The following TMEM135 variants were observed in gnomAD, a reference collection of about 807,000 sequenced individuals.
The protein encoded by TMEM135 is transmembrane protein 135.
A neutral mutation model predicts 60.3 loss-of-function variants in TMEM135; 30 were observed. That is an observed-to-expected ratio of 0.50 (90% confidence interval 0.37 to 0.68). The LOEUF (loss-of-function observed/expected upper bound fraction) is 0.68. Among genes scored for constraint, TMEM135 ranks in the 30% least tolerant of loss-of-function variants. The pLI is 0.00. For synonymous variants in TMEM135, 190 were observed against 186.7 expected (o/e 1.02, Z -0.14); for missense variants, 468 against 548.8 (o/e 0.85, Z 1.47).
At chr11:87,044,394 G>T (rs1211697080) in intron 1 of TMEM135, among the ~76,000 whole-genome samples, 2 of 151,984 alleles carry the variant, frequency 1.3e-5, no homozygotes, top group Admixed American at 6.5e-5. Context: ...ATAGGCATTT[G>T]TTTTTGTTTT....
intron 4 of TMEM135, among the ~76,000 whole-genome samples, chr11:87,111,906 A>G (rs1222700367): frequency 6.6e-6 from 1 of 152,108 alleles, no homozygotes; most frequent in African/African-American, 2.4e-5. Flanking sequence ...CAGAGTAATA[A>G]TATATAAATT....
At chr11:87,203,030 C>T (rs1165721142) in intron 5 of TMEM135, among the ~76,000 whole-genome samples, 1 of 72,266 alleles carries the variant, frequency 1.4e-5, no homozygotes, top group Admixed American at 1.8e-4. Flanking sequence ...GAGACTCCGT[C>T]TCAAAAAAAA....
In TMEM135 at chr11:87,327,159, G is replaced by A. The variant is rs947123923; in HGVS notation, c.*5826G>A. The A allele has an allele frequency of 2.9e-5, 13 of 453,952 alleles. No homozygotes were observed. Among genetic ancestry groups the A allele is most frequent in the African/African-American group, 2.4e-4 (12 of 50,068 alleles). The allele number at this position is 453,952 out of a possible 1,614,324, so 28.1% of individuals were successfully genotyped here. On this transcript the variant is annotated 3_prime_UTR_variant, in exon 15 of 15. Transcript: ENST00000305494. ...CCAGCCTTTACTCGGAGGTGTTCAT[G>A]TGACCCTGTTTTGGCCAATAAAATG...
chr11:87,260,742 T>A (rs1303911122), intron 6 of TMEM135, among the ~76,000 whole-genome samples: 6 of 149,846 alleles, frequency 4.0e-5, no homozygotes, highest in African/African-American at 1.5e-4. Context: ...TTTTTTTTTT[T>A]AATCAAATGA....
chr11:87,126,961 C>T (rs141265889), intron 4 of TMEM135, among the ~76,000 whole-genome samples: 6 of 152,240 alleles, frequency 3.9e-5, no homozygotes, highest in Non-Finnish European at 5.9e-5. Context: ...GAATCTGTTA[C>T]ATCCTTTTCA....
At chr11:87,091,673 T>C (rs1278663060) in intron 4 of TMEM135, among the ~76,000 whole-genome samples, 1 of 152,122 alleles carries the variant, frequency 6.6e-6, no homozygotes, top group Non-Finnish European at 1.5e-5. Context: ...GCTGTACTTG[T>C]ATGTGTATAT....
chr11:87,250,766 A>G (rs1006688873), intron 6 of TMEM135, among the ~76,000 whole-genome samples: 2 of 152,234 alleles, frequency 1.3e-5, no homozygotes, highest in African/African-American at 2.4e-5. Context: ...AATTATATAC[A>G]GAATTTAGAG....
intron 6 of TMEM135, among the ~76,000 whole-genome samples, chr11:87,249,504 G>T (rs915496977): frequency 2.0e-5 from 3 of 151,900 alleles, no homozygotes; most frequent in African/African-American, 7.2e-5. Flanking sequence ...CTAATTTTGG[G>T]CTTGCTTTGC....
intron 4 of TMEM135, among the ~76,000 whole-genome samples, chr11:87,139,033 T>G (rs748396234): frequency 6.6e-6 from 1 of 152,328 alleles, no homozygotes; most frequent in East Asian, 1.9e-4. Flanking sequence ...TATTACTGGC[T>G]TTAGTATTTC....
intron 6 of TMEM135, among the ~76,000 whole-genome samples, chr11:87,272,166 C>G (rs1215405806): frequency 6.6e-6 from 1 of 150,618 alleles, no homozygotes; most frequent in Non-Finnish European, 1.5e-5. Context: ...CAATTCCCCT[C>G]CCTCAGCCTC....
chr11:87,092,324 T>G (rs1857225619), intron 4 of TMEM135, among the ~76,000 whole-genome samples: 2 of 152,130 alleles, frequency 1.3e-5, no homozygotes, highest in African/African-American at 4.8e-5. Context: ...AGCAGCAAAC[T>G]ATTCTGGGTG....
intron 4 of TMEM135, among the ~76,000 whole-genome samples, chr11:87,097,485 G>T (rs1185731688): frequency 6.6e-6 from 1 of 152,162 alleles, no homozygotes; most frequent in Non-Finnish European, 1.5e-5. Context: ...AAATCAGAAT[G>T]TAAAATGATA....
chr11:87,118,614 A>G (rs1591032482), intron 4 of TMEM135, among the ~76,000 whole-genome samples: 1 of 151,936 alleles, frequency 6.6e-6, no homozygotes, highest in African/African-American at 2.4e-5. Context: ...ATGCCCAGCT[A>G]ATTTTTTGTA....
Position 87,325,091 on chromosome 11 carries a change from G to A in TMEM135, c.*3758G>A, listed in dbSNP as rs1942892934. ...CAGCTCTATAATTTCTTCTTCTTGT[G>A]GAATTAACAAAGAAAGGAGTGTCAA... On this transcript the variant is annotated 3_prime_UTR_variant, in exon 15 of 15. Transcript: ENST00000305494. The A allele has an allele frequency of 2.2e-6, 1 of 453,942 alleles. No individual in the cohort carries two copies. Among genetic ancestry groups the A allele is most frequent in the South Asian group, 1.6e-5 (1 of 64,466 alleles). The allele number at this position is 453,942 out of a possible 1,614,324, so 28.1% of individuals were successfully genotyped here.
intron 1 of TMEM135, among the ~76,000 whole-genome samples, chr11:87,038,717 T>C (rs1949726267): frequency 6.6e-6 from 1 of 151,538 alleles, no homozygotes; most frequent in Non-Finnish European, 1.5e-5. Context: ...TTGGGGGTTT[T>C]GCAAGTGTTT....
In TMEM135 at chr11:87,209,796, T is replaced by A. The variant is rs557116552; in HGVS notation, c.463-26842T>A. ...ATAAAGCAAGTCTTTTTGAGCAAAT[T>A]CAAAAAAATTGAAACACCAACCACA... On this transcript the variant is annotated intron_variant, in intron 5 of 14. Coordinates refer to ENST00000305494, the MANE Select transcript of TMEM135 (RefSeq NM_022918.4). 6.6e-5 allele frequency among the ~76,000 whole-genome samples: 10 copies of A among 152,100 alleles called. 1 individual carries two copies. The South Asian group carries it at 2.1e-3, about 32-fold the overall frequency.
At chr11:87,094,359 G>A (rs1200894009) in intron 4 of TMEM135, among the ~76,000 whole-genome samples, 3 of 152,070 alleles carry the variant, frequency 2.0e-5, no homozygotes, top group Non-Finnish European at 4.4e-5. Context: ...TTACAGCCTA[G>A]GACCAATTCT....
chr11:87,178,873 G>A (rs1446046247), intron 5 of TMEM135, among the ~76,000 whole-genome samples: 1 of 151,900 alleles, frequency 6.6e-6, no homozygotes, highest in Non-Finnish European at 1.5e-5. Context: ...TATGAAAATT[G>A]GAGAGAAGTC....
intron 7 of TMEM135, among the ~76,000 whole-genome samples, chr11:87,297,926 T>A (rs1397214728): frequency 6.6e-6 from 1 of 152,188 alleles, no homozygotes; most frequent in Non-Finnish European, 1.5e-5. Flanking sequence ...ACTCACCACA[T>A]TGCACATGAA....
Sources: allele counts gnomAD v4.1 joint callset (sites outside exome capture counted in the v4.1 genomes callset), GRCh38; gene constraint gnomAD v4.1.1; transcripts MANE v1.5; gene names NCBI Gene and HGNC (gene_info 2026-07-23, HGNC 2026-07-21).